Variants in DST observed in about 807,000 individuals in gnomAD.
DST encodes the protein bullous pemphigoid antigen.
In DST, 253 loss-of-function variants were observed where a neutral mutation model predicts 875.2. The ratio of observed to expected loss-of-function variants is 0.29; its 90% confidence interval spans 0.26 to 0.32. The LOEUF is 0.32. Ranked by LOEUF, DST falls within the 10% of genes least tolerant of loss-of-function variation. DST has a pLI of 1.00. For synonymous variants in DST, 3,124 were observed against 3,197.1 expected, an observed-to-expected ratio of 0.98 and a Z score of 0.77; for missense variants, 8,287 against 9,111.6, an observed-to-expected ratio of 0.91 and a Z score of 3.68.
intron 2 of DST, among the ~76,000 whole-genome samples, chr6:56,913,866 G>C (rs1799755029): frequency 6.6e-6 from 1 of 152,142 alleles, no homozygotes; most frequent in Admixed American, 6.6e-5. Flanking sequence ...TGATGCAGTT[G>C]GATTATTTTC....
chr6:56,636,162 C>A (rs536870894), intron 23 of DST, among the ~76,000 whole-genome samples: 57 of 151,736 alleles, frequency 3.8e-4, no homozygotes, highest in African/African-American at 1.3e-3. Context: ...AGGATTCCTG[C>A]ATTAACAGAA....
chr6:56,472,062 C>A lies in DST; in HGVS notation c.22155G>T (p.Glu7385Asp), dbSNP rs2094926027. Residue 7385 changes from glutamate to aspartate, a missense_variant, in exon 94 of 104, where the codon GAG becomes GAT. Glu to Asp is a conservative substitution (Grantham distance 45, BLOSUM62 2). Around this residue, in one of 10 missense-constraint regions of DST, gnomAD observed 1,292 missense variants for 1,552.7 expected, o/e 0.83. Coordinates refer to ENST00000680361, the MANE Select transcript of DST (RefSeq NM_001374736.1). Reference sequence around the variant, plus strand: ...TTGAGGGTATGAATTTCCAAACCTCCTCTAGTCTGTCCAAGGCATCATTGA... The same window carrying A: ...TTGAGGGTATGAATTTCCAAACCTCATCTAGTCTGTCCAAGGCATCATTGA... ...RKLNDALDRL[E>D]ELREFANFDF... 6.2e-7 allele frequency: 1 copy of A among 1,613,768 alleles called. No homozygotes were observed. The highest frequency in any genetic ancestry group is 1.3e-5 in the African/African-American group (1 of 74,918).
chr6:56,627,659 T>C (rs922893526), intron 33 of DST, among the ~76,000 whole-genome samples: 1 of 152,166 alleles, frequency 6.6e-6, no homozygotes, highest in South Asian at 2.1e-4. Context: ...TTTCCATTGC[T>C]AACCATTTTT....
At chr6:56,580,655 G>A (rs1287607438) in intron 49 of DST, among the ~76,000 whole-genome samples, 3 of 151,344 alleles carry the variant, frequency 2.0e-5, no homozygotes, top group South Asian at 2.1e-4. Flanking sequence ...CAGGAACAAA[G>A]GACAAGAGGA....
chr6:56,755,322 T>C lies in DST; in HGVS notation c.626-20033A>G, dbSNP rs139853726. Among the ~76,000 whole-genome samples the C allele has an allele frequency of 3.2e-3, 492 of 152,262 alleles. 1 individual carries two copies. Among genetic ancestry groups the C allele is most frequent in the African/African-American group, 0.011 (462 of 41,538 alleles). ...GAAGCTCAGAGACTGACTTTGATTA[T>C]GTAAAATTTAAGAAGACAATTGTAG... On this transcript the variant is annotated intron_variant, in intron 4 of 103. Coordinates refer to ENST00000680361, the MANE Select transcript of DST (RefSeq NM_001374736.1).
chr6:56,892,589 G>A (rs554281920), intron 3 of DST, among the ~76,000 whole-genome samples: 103 of 152,152 alleles, frequency 6.8e-4, no homozygotes, highest in Non-Finnish European at 1.2e-3. Context: ...GCCTCCCAAA[G>A]TACTGGGATT....
chr6:56,527,883 C>G, intron 67 of DST, 149 bp from the exon 68 acceptor site: 1 of 844,974 alleles, frequency 1.2e-6, no homozygotes. Flanking sequence ...AAGCCCTTTT[C>G]TAAATTTTAA....
chr6:56,701,151 T>G (rs894258702), intron 8 of DST, among the ~76,000 whole-genome samples: 1 of 151,730 alleles, frequency 6.6e-6, no homozygotes, highest in East Asian at 1.9e-4. Flanking sequence ...AGCCTCTTCC[T>G]TTTTTTCAAA....
At chr6:56,712,482 A>G (rs1430289347) in intron 5 of DST, among the ~76,000 whole-genome samples, 2 of 152,320 alleles carry the variant, frequency 1.3e-5, no homozygotes, top group East Asian at 3.9e-4. Flanking sequence ...ATTTTGATGG[A>G]AATAAGTGAA....
At chr6:56,532,731 C>A (rs2096918407) in intron 63 of DST, among the ~76,000 whole-genome samples, 1 of 152,074 alleles carries the variant, frequency 6.6e-6, no homozygotes, top group Non-Finnish European at 1.5e-5. Flanking sequence ...GTAGACAAAA[C>A]TAATATTGGT....
intron 9 of DST, among the ~76,000 whole-genome samples, chr6:56,677,529 C>T (rs1006181177): frequency 2.6e-5 from 4 of 152,104 alleles, no homozygotes; most frequent in East Asian, 1.9e-4. Flanking sequence ...TTGTTGTCCA[C>T]GAACTGCTGG....
At chr6:56,629,606 T>A (rs371259511) in intron 31 of DST, among the ~76,000 whole-genome samples, 163 bp from the exon 32 acceptor site, 1 of 152,224 alleles carries the variant, frequency 6.6e-6, no homozygotes, top group Admixed American at 6.5e-5. Flanking sequence ...TCAAACCTTA[T>A]GAAATTTTCA....
intron 3 of DST, among the ~76,000 whole-genome samples, chr6:56,859,879 G>A (rs577511532): frequency 1.3e-5 from 2 of 152,214 alleles, no homozygotes; most frequent in Admixed American, 6.5e-5. Context: ...GATAAGGAGA[G>A]AGAGGCTAAA....
intron 61 of DST, among the ~76,000 whole-genome samples, chr6:56,545,659 T>C (rs2097209468): frequency 6.6e-6 from 1 of 152,180 alleles, no homozygotes; most frequent in Non-Finnish European, 1.5e-5. Flanking sequence ...ATGATTATTA[T>C]TTACACATTA....
chr6:56,473,679 C>G (rs369135812), intron 93 of DST, among the ~76,000 whole-genome samples, 194 bp downstream of exon 93: 1 of 152,030 alleles, frequency 6.6e-6, no homozygotes, highest in African/African-American at 2.4e-5. Flanking sequence ...GTATAGAAAC[C>G]TGGGTATATT....
chr6:56,502,434 G>C (rs1262254600), intron 78 of DST, among the ~76,000 whole-genome samples: 1 of 152,060 alleles, frequency 6.6e-6, no homozygotes, highest in African/African-American at 2.4e-5. Context: ...TAAGCACTTG[G>C]TATGTTCAAG....
At chr6:56,618,207 CTGG>C (rs760445074) in intron 36 of DST, 11 of 1,614,038 alleles carry the variant, frequency 6.8e-6, no homozygotes, top group Non-Finnish European at 9.3e-6. Context: ...AGTGGAGCCC[CTGG>C]TGGCTGGAAT....
intron 9 of DST, among the ~76,000 whole-genome samples, chr6:56,682,340 T>C (rs1004807552): frequency 6.6e-5 from 10 of 152,096 alleles, no homozygotes; most frequent in African/African-American, 2.4e-4. Flanking sequence ...ACCTGGCTTA[T>C]TTTACCTTTT....
At position 56,604,892 on chromosome 6, in the gene DST, C is replaced by G; in HGVS notation, c.9736G>C (p.Asp3246His). ...GAGATGCTTTCTTTACTACAAAGAT[C>G]ATTGCTTTGGATCATGTCATTAAGA... ...SPLNDMIQSN[D>H]LCSKESISGG... is the part of the protein sequence containing the mutation. The change falls in exon 40 of 104, where the codon GAT becomes CAT. Residue 3246 changes from aspartate (D) to histidine (H), a missense_variant. Physicochemically the swap from Asp to His is moderately conservative, Grantham distance 81 (BLOSUM62 -1). Transcript: ENST00000680361. The G allele has an allele frequency of 1.2e-6, 2 of 1,612,564 alleles. No individual in the cohort carries two copies. The highest frequency in any genetic ancestry group is 1.7e-6 in the Non-Finnish European group (2 of 1,179,224).
Sources: gnomAD v4.1 joint callset for allele counts (sites outside exome capture counted in the v4.1 genomes callset) on GRCh38, gnomAD v4.1.1 for gene constraint, gnomAD v4.1.1 regional missense constraint, MANE v1.5 for transcripts, NCBI Gene and HGNC (gene_info 2026-07-23, HGNC 2026-07-21) for gene names.